The following ADGRL2 variants were observed in gnomAD, a reference collection of about 807,000 sequenced individuals.
ADGRL2 encodes the protein adhesion G protein-coupled receptor L2, also known as calcium-independent alpha-latrotoxin receptor 2.
ADGRL2 carries 44 observed loss-of-function variants against 157.4 expected under a neutral mutation model. The observed-to-expected ratio is 0.28, with a 90% CI of 0.22 to 0.36. The LOEUF (loss-of-function observed/expected upper bound fraction) is 0.36, where lower values mean the gene tolerates loss of function less well. Among genes scored for constraint, ADGRL2 ranks in the 10% least tolerant of loss-of-function variants. The pLI, the probability that ADGRL2 is intolerant of heterozygous loss-of-function variation, is 1.00. For synonymous variants in ADGRL2, 585 were observed against 624.7 expected, an observed-to-expected ratio of 0.94 and a Z score of 0.95; for missense variants, 1,510 against 1,768.9, an observed-to-expected ratio of 0.85 and a Z score of 2.63.
intron 1 of ADGRL2, among the ~76,000 whole-genome samples, chr1:81,835,861 A>G (rs1449652538): frequency 6.6e-6 from 1 of 152,114 alleles, no homozygotes; most frequent in Non-Finnish European, 1.5e-5. Flanking sequence ...TTCTTAATAA[A>G]GCAAGATAGT....
At position 81,336,741 on chromosome 1, in the gene ADGRL2, A is replaced by T. The variant is rs532637169; in HGVS notation, c.-302+30232A>T. On this transcript the variant is annotated intron_variant, in intron 1 of 24. Transcript: ENST00000370721. ...TGATATGGACAGGAGGCAGGGAAATACTGGGTAGAAGAGGGCAGTCCCCGG... is the reference window on the plus strand; with the variant it reads ...TGATATGGACAGGAGGCAGGGAAATTCTGGGTAGAAGAGGGCAGTCCCCGG... 4.6e-5 allele frequency among the ~76,000 whole-genome samples: 7 copies of T among 152,288 alleles called. No individual in the cohort carries two copies. The East Asian group carries it at 1.2e-3, about 25-fold the overall frequency.
At chr1:81,829,484 A>G (rs1049525589) in intron 1 of ADGRL2, among the ~76,000 whole-genome samples, 1 of 152,194 alleles carries the variant, frequency 6.6e-6, no homozygotes, top group African/African-American at 2.4e-5. Context: ...TTCTTTCTTA[A>G]AGAAGTCCCT....
intron 23 of ADGRL2, among the ~76,000 whole-genome samples, chr1:81,989,066 T>C (rs1664014759): frequency 6.6e-6 from 1 of 152,156 alleles, no homozygotes; most frequent in African/African-American, 2.4e-5. Context: ...CTTGACTTTT[T>C]TTTTCATTTG....
rs770580214 is a variant in ADGRL2, at chr1:81,955,886, GAC to G, written c.1847_1848del (p.Thr616SerfsTer20). ...TCRAYLKAIV[D>X]TVDNLLRPEA... ...TTTCTAATGGATACAGGCAATTGTT[GAC>G]ACAGTGGACAACCTTCTGAGACCCG... On this transcript the variant is annotated frameshift_variant, in exon 11 of 24. Transcript: ENST00000686636. LOFTEE classifies it high-confidence loss of function. 6.3e-7 allele frequency: 1 copy of G among 1,578,994 alleles called. No homozygotes were observed. The highest frequency in any genetic ancestry group is 1.2e-5 in the South Asian group (1 of 85,118).
intron 3 of ADGRL2, among the ~76,000 whole-genome samples, chr1:81,688,374 CT>C (rs1258275041): frequency 2.6e-5 from 4 of 152,042 alleles, no homozygotes; most frequent in African/African-American, 7.2e-5. Flanking sequence ...TTTTCTTATT[CT>C]TTTTTCTTTG....
intron 3 of ADGRL2, among the ~76,000 whole-genome samples, chr1:81,604,510 G>C (rs960178114): frequency 2.6e-5 from 4 of 152,154 alleles, no homozygotes; most frequent in African/African-American, 4.8e-5. Flanking sequence ...AGACACAAGT[G>C]CCAACTGCAA....
chr1:81,835,929 G>T (rs1160573760), intron 1 of ADGRL2, among the ~76,000 whole-genome samples: 1 of 152,062 alleles, frequency 6.6e-6, no homozygotes, highest in Non-Finnish European at 1.5e-5. Context: ...TTTCCAATCA[G>T]GTTACATTAT....
At chr1:81,338,341 C>T (rs1010366351) in intron 1 of ADGRL2, among the ~76,000 whole-genome samples, 21 of 151,766 alleles carry the variant, frequency 1.4e-4, no homozygotes, top group Admixed American at 5.9e-4. Flanking sequence ...CCAGCCTGGG[C>T]GACAGAGCAA....
chr1:81,535,340 G>T lies in ADGRL2; in HGVS notation c.-247-45536G>T, dbSNP rs537891240. 6.6e-5 allele frequency among the ~76,000 whole-genome samples: 10 copies of T among 152,168 alleles called. No individual in the cohort carries two copies. The South Asian group carries it at 2.1e-3, about 32-fold the overall frequency. On this transcript the variant is annotated intron_variant, in intron 2 of 24. Transcript: ENST00000370721. The stretch of plus-strand genomic sequence containing the variant: ...AAGTTATATTGCTAACCATTCCATA[G>T]CTAAATGCCTCTACCTTTGGATTGT...
At position 81,993,085 on chromosome 1, in the gene ADGRL2, ATATTTTTTTTTTTTTTTT is replaced by A. The variant is rs1664888008; in HGVS notation, c.*1942_*1959del. ...TATATATATATATATATATATATAT[ATATTTTTTTTTTTTTTTT>A]TTTTTTTTTTTTTTTTGGGACAGAG... On this transcript the variant is annotated 3_prime_UTR_variant, in exon 24 of 24. Coordinates refer to ENST00000686636, the MANE Select transcript of ADGRL2 (RefSeq NM_001366006.2). Among the ~76,000 whole-genome samples, 1 of 32,108 alleles carries A rather than the reference ATATTTTTTTTTTTTTTTT, an allele frequency of 3.1e-5. No homozygotes were observed. The highest frequency in any genetic ancestry group is 4.9e-5 in the Non-Finnish European group (1 of 20,304). The allele number at this position is 32,108 out of a possible 152,430, so 21.1% of individuals were successfully genotyped here.
At chr1:81,660,135 C>T (rs1171326495) in intron 3 of ADGRL2, among the ~76,000 whole-genome samples, 2 of 152,150 alleles carry the variant, frequency 1.3e-5, no homozygotes, top group Non-Finnish European at 2.9e-5. Flanking sequence ...TTTAAACTTT[C>T]CTTTTCTAAA....
intron 3 of ADGRL2, among the ~76,000 whole-genome samples, chr1:81,652,523 A>G (rs536347716): frequency 6.6e-6 from 1 of 152,314 alleles, no homozygotes; most frequent in East Asian, 1.9e-4. Context: ...TTCATATATA[A>G]CTAATGTCAT....
At chr1:81,934,046 A>AT (rs1029103776) in intron 3 of ADGRL2, among the ~76,000 whole-genome samples, 1 of 152,080 alleles carries the variant, frequency 6.6e-6, no homozygotes, top group Non-Finnish European at 1.5e-5. Context: ...GAATTCTAGA[A>AT]TTTTTTATAA....
At chr1:81,906,942 C>A in intron 2 of ADGRL2, 75 bp from the exon 3 acceptor site, 2 of 1,181,934 alleles carry the variant, frequency 1.7e-6, no homozygotes, top group Non-Finnish European at 2.4e-6. Context: ...AATCATATTA[C>A]TTGAAAATGC....
intron 1 of ADGRL2, among the ~76,000 whole-genome samples, chr1:81,706,392 A>ATCATCATTTTGACATTTT (rs1195905940): frequency 6.6e-6 from 1 of 152,080 alleles, no homozygotes; most frequent in East Asian, 1.9e-4. Flanking sequence ...TTGAAAAAAT[A>ATCATCATTTTGACATTTT]GGAAACATAG....
At chr1:81,410,899 C>G (rs1053709471) in intron 1 of ADGRL2, among the ~76,000 whole-genome samples, 2 of 152,056 alleles carry the variant, frequency 1.3e-5, no homozygotes, top group Non-Finnish European at 2.9e-5. Flanking sequence ...TCTTTTAAAG[C>G]GTATATTAAG....
Position 81,663,044 on chromosome 1 carries a change from C to G in ADGRL2, c.-143+82064C>G, listed in dbSNP as rs1337541537. 2.0e-5 allele frequency among the ~76,000 whole-genome samples: 3 copies of G among 148,134 alleles called. No individual in the cohort carries two copies. In the East Asian group the frequency reaches 6.1e-4, roughly 30 times the overall value. On this transcript the variant is annotated intron_variant, in intron 3 of 24. Transcript: ENST00000370721. The stretch of plus-strand genomic sequence containing the variant: ...AGGTACTTAAACCTTATCTTGTTCC[C>G]CGACCCCTCCCTCCCACCCCCACCA...
At chr1:81,767,436 G>A (rs533969550) in intron 2 of ADGRL2, among the ~76,000 whole-genome samples, 31 of 152,028 alleles carry the variant, frequency 2.0e-4, no homozygotes, top group Non-Finnish European at 4.0e-4. Flanking sequence ...TTTACTTGTC[G>A]TAACTAGAAA....
chr1:81,467,468 T>G (rs1222621583), intron 2 of ADGRL2, among the ~76,000 whole-genome samples: 2 of 152,204 alleles, frequency 1.3e-5, no homozygotes, highest in Non-Finnish European at 2.9e-5. Context: ...CAAGAGATTT[T>G]ACAGCGCTCC....
Sources: allele counts gnomAD v4.1 joint callset (sites outside exome capture counted in the v4.1 genomes callset), GRCh38; gene constraint gnomAD v4.1.1; transcripts MANE v1.5; gene names NCBI Gene and HGNC (gene_info 2026-07-23, HGNC 2026-07-21).